SYNJ2: variants seen among roughly 807,000 people sequenced by gnomAD.
The protein encoded by SYNJ2 is polyphosphatidylinositol phosphatase SYNJ2.
A neutral mutation model predicts 141.3 loss-of-function variants in SYNJ2; 116 were observed. The ratio of observed to expected loss-of-function variants is 0.82; its 90% CI spans 0.71 to 0.96. The LOEUF is 0.96. Ranked by LOEUF, SYNJ2 falls within the 40% of genes least tolerant of loss-of-function variation. The probability of loss-of-function intolerance (pLI) is 0.00; values close to 1 mark genes in which losing one functional copy is unlikely to be tolerated. For missense variants in SYNJ2, 1,873 were observed against 1,934.8 expected, an observed-to-expected ratio of 0.97 and a Z score of 0.60; for synonymous variants, 745 against 777.7, an observed-to-expected ratio of 0.96 and a Z score of 0.70.
chr6:158,077,000 CT>C (rs111687160), intron 17 of SYNJ2, among the ~76,000 whole-genome samples: 127 of 144,848 alleles, frequency 8.8e-4, no homozygotes, highest in Admixed American at 1.5e-3. Flanking sequence ...CTTTTCTTTT[CT>C]TTTTTTTTTT....
intron 5 of SYNJ2, among the ~76,000 whole-genome samples, chr6:158,045,099 CTTTTTTTTT>C (rs761042284): frequency 2.7e-5 from 3 of 112,284 alleles, no homozygotes; most frequent in Admixed American, 1.8e-4. Flanking sequence ...AGGGGTCCTC[CTTTTTTTTT>C]TTTTTTTTTT....
chr6:158,025,307 C>T (rs770278408), intron 2 of SYNJ2, among the ~76,000 whole-genome samples: 1 of 152,168 alleles, frequency 6.6e-6, no homozygotes, highest in Non-Finnish European at 1.5e-5. Context: ...CTTGGGTGTT[C>T]GTACTTCAGC....
intron 1 of SYNJ2, among the ~76,000 whole-genome samples, chr6:158,009,240 T>G (rs937678906): frequency 3.9e-5 from 6 of 152,208 alleles, no homozygotes; most frequent in Admixed American, 3.9e-4. Flanking sequence ...ATTGCACTGA[T>G]TGATCTTATC....
chr6:158,090,550 T>TTTTTTTTTTTTTTTTTA (rs1783376544), intron 25 of SYNJ2, among the ~76,000 whole-genome samples: 1 of 147,058 alleles, frequency 6.8e-6, no homozygotes, highest in Non-Finnish European at 1.5e-5. Flanking sequence ...TTGTTTTTTT[T>TTTTTTTTTTTTTTTTTA]TTTTTTTTTT....
intron 5 of SYNJ2, among the ~76,000 whole-genome samples, chr6:158,054,678 A>T (rs537603933): frequency 9.0e-4 from 137 of 152,204 alleles, no homozygotes; most frequent in Non-Finnish European, 1.6e-3. Context: ...CTGCCTCATC[A>T]TCTTACCCTG....
At chr6:157,994,907 C>T (rs548993845) in intron 1 of SYNJ2, among the ~76,000 whole-genome samples, 2 of 152,248 alleles carry the variant, frequency 1.3e-5, no homozygotes, top group Non-Finnish European at 2.9e-5. Context: ...TGGCCAGGAG[C>T]GCCCCTCCAT....
intron 2 of SYNJ2, among the ~76,000 whole-genome samples, chr6:158,018,464 TC>T (rs1228433373): frequency 6.6e-6 from 1 of 152,186 alleles, no homozygotes; most frequent in Non-Finnish European, 1.5e-5. Context: ...AGCGCACACC[TC>T]CCTTCCCTGC....
In SYNJ2 at chr6:158,070,782, G is replaced by A. The variant is rs116447115; in HGVS notation, c.1941-820G>A. On this transcript the variant is annotated intron_variant, in intron 14 of 26. Transcript: ENST00000355585. The surrounding 1 kb of genome is among the most constrained non-coding windows in gnomAD (Gnocchi z 4.0). ...CCCATGTTTCTATGGACTCGTATGC[G>A]TCATAAGTGGGCATTTGAATGCAAG... is the stretch of plus-strand genomic sequence containing the variant. 0.06 allele frequency among the ~76,000 whole-genome samples: 9,180 copies of A among 152,214 alleles called. 325 individuals carry two copies. Among genetic ancestry groups the A allele is most frequent in the Non-Finnish European group, 0.069 (4,717 of 68,028 alleles).
At chr6:158,000,276 C>T (rs954692008) in intron 1 of SYNJ2, among the ~76,000 whole-genome samples, 2 of 151,982 alleles carry the variant, frequency 1.3e-5, no homozygotes, top group South Asian at 4.2e-4. Context: ...TACGTAAGAG[C>T]AGACATGTAT....
Position 158,069,769 on chromosome 6 carries a change from G to T in SYNJ2, c.1940+96G>T, listed in dbSNP as rs527244507. On this transcript the variant is annotated intron_variant, in intron 14 of 26. Transcript: ENST00000355585. ...TCCCCCTCCTCCCCCATCCCCTTCT[G>T]TAACAGGAATCGGGACTTACCATTA... is the stretch of plus-strand genomic sequence containing the variant. The T allele has an allele frequency of 1.0e-4, 140 of 1,403,440 alleles. 2 individuals carry two copies. In the African/African-American group the frequency reaches 1.7e-3, roughly 17 times the overall value. 86.9% of individuals were successfully genotyped at this position (1,403,440 alleles called of 1,614,324 possible).
intron 16 of SYNJ2, among the ~76,000 whole-genome samples, 153 bp downstream of exon 16, chr6:158,074,891 A>G (rs1782170804): frequency 6.7e-6 from 1 of 149,820 alleles, no homozygotes; most frequent in Non-Finnish European, 1.5e-5. Flanking sequence ...AGGTTACAGT[A>G]CAGGAGTGGC....
chr6:157,987,957 G>A (rs1204468360), intron 1 of SYNJ2, among the ~76,000 whole-genome samples: 2 of 152,248 alleles, frequency 1.3e-5, no homozygotes, highest in African/African-American at 2.4e-5. Context: ...GTGAGCTCGG[G>A]AGGACAAGGT....
At position 158,063,838 on chromosome 6, in the gene SYNJ2, G is replaced by T. The variant is rs138792733; in HGVS notation, c.1175G>T (p.Arg392Leu). Residue 392 changes from arginine (R) to leucine (L), a missense_variant, in exon 9 of 27, where the codon CGA becomes CTA. Coordinates refer to ENST00000355585, the MANE Select transcript of SYNJ2 (RefSeq NM_003898.4). Reference sequence around the variant, plus strand: ...ATGAACTGTCTTGACTGCCTGGACCGAACCAACACTGTGCAGAGCTTCATC... The same window carrying T: ...ATGAACTGTCTTGACTGCCTGGACCTAACCAACACTGTGCAGAGCTTCATC... ...LRMNCLDCLDRTNTVQSFIAL... is the reference protein window; with the variant it reads ...LRMNCLDCLDLTNTVQSFIAL... 2.8e-5 allele frequency: 45 copies of T among 1,613,660 alleles called. No homozygotes were observed. Among genetic ancestry groups the T allele is most frequent in the Non-Finnish European group, 3.8e-5 (45 of 1,179,844 alleles).
intron 4 of SYNJ2, among the ~76,000 whole-genome samples, chr6:158,042,073 G>C (rs1445932317): frequency 6.6e-6 from 1 of 152,172 alleles, no homozygotes; most frequent in Non-Finnish European, 1.5e-5. Flanking sequence ...CAGGAACCTG[G>C]GCCTATGCAG....
At position 158,064,764 on chromosome 6, in the gene SYNJ2, G is replaced by A. The variant is rs188011550; in HGVS notation, c.1359+14G>A. ...GGGAAGGCCAAGGTAGGGCCCCGCCGAGGGGGCAGGGTGGGGGCCCCAGGG... is the reference window on the plus strand; with the variant it reads ...GGGAAGGCCAAGGTAGGGCCCCGCCAAGGGGGCAGGGTGGGGGCCCCAGGG... On this transcript the variant is annotated intron_variant, in intron 10 of 26. Coordinates refer to ENST00000355585, the MANE Select transcript of SYNJ2 (RefSeq NM_003898.4). 2.3e-4 allele frequency: 376 copies of A among 1,613,138 alleles called. 3 individuals carry two copies. The East Asian group carries it at 6.0e-3, about 26-fold the overall frequency.
chr6:158,018,018 G>A (rs902838133), intron 2 of SYNJ2, among the ~76,000 whole-genome samples: 2 of 152,246 alleles, frequency 1.3e-5, no homozygotes, highest in Non-Finnish European at 2.9e-5. Flanking sequence ...ATGCCCGGGG[G>A]CACAGGGGTG....
chr6:158,008,467 A>C (rs1427880877), intron 1 of SYNJ2, among the ~76,000 whole-genome samples: 1 of 152,196 alleles, frequency 6.6e-6, no homozygotes, highest in Non-Finnish European at 1.5e-5. Context: ...CTTCTGATTC[A>C]CAAGGCCTGG....
At position 157,982,764 on chromosome 6, in the gene SYNJ2, C is replaced by G. The variant is rs779088577; in HGVS notation, c.127+676C>G. On this transcript the variant is annotated intron_variant, in intron 1 of 26. Transcript: ENST00000355585. The surrounding 1 kb of genome is among the most constrained non-coding windows in gnomAD (Gnocchi z 4.0). ...TAATTCTCACAATTCTACTAAAAAG[C>G]TATTATTATCCCCATTTTGCAGATG... Among the ~76,000 whole-genome samples, 1 of 152,210 alleles carries G rather than the reference C, an allele frequency of 6.6e-6. No individual in the cohort carries two copies. Among genetic ancestry groups the G allele is most frequent in the African/African-American group, 2.4e-5 (1 of 41,448 alleles).
intron 17 of SYNJ2, 101 bp downstream of exon 17, chr6:158,076,883 C>A: frequency 3.6e-6 from 5 of 1,378,600 alleles, no homozygotes; most frequent in Admixed American, 2.7e-5. Context: ...CTACATAAAT[C>A]AGTTTCTTCA....
Sources: gnomAD v4.1 joint callset for allele counts (sites outside exome capture counted in the v4.1 genomes callset) on GRCh38, gnomAD v4.1.1 for gene constraint, Gnocchi (gnomAD v3.1) non-coding constraint, MANE v1.5 for transcripts, NCBI Gene and HGNC (gene_info 2026-07-23, HGNC 2026-07-21) for gene names.